The following ZBTB20 variants were observed in gnomAD, a reference collection of about 807,000 sequenced individuals.
ZBTB20 encodes zinc finger and BTB domain containing 20.
Under a neutral mutation model 56.9 loss-of-function variants are expected in ZBTB20, and 9 were observed. That is an observed-to-expected ratio of 0.16 (90% confidence interval 0.10 to 0.28). ZBTB20 has a LOEUF of 0.28. ZBTB20 is among the 10% of genes least tolerant of loss of function. The pLI is 1.00. For missense variants in ZBTB20, 655 were observed against 1,003.0 expected (o/e 0.65, Z 4.69); for synonymous variants, 417 against 420.7 (o/e 0.99, Z 0.11).
intron 7 of ZBTB20, among the ~76,000 whole-genome samples, chr3:114,394,257 G>C (rs746269622): frequency 6.6e-6 from 1 of 152,156 alleles, no homozygotes; most frequent in Non-Finnish European, 1.5e-5. Context: ...ATGGGCTTAC[G>C]TAACAGGTCG....
At chr3:114,353,109 C>A (rs1476704001) in intron 10 of ZBTB20, among the ~76,000 whole-genome samples, 1 of 152,154 alleles carries the variant, frequency 6.6e-6, no homozygotes, top group Middle Eastern at 3.2e-3. Flanking sequence ...AGAGAATCCC[C>A]CTCCAAATAA....
chr3:115,130,275 GTA>G (rs1292855880), intron 1 of ZBTB20, among the ~76,000 whole-genome samples: 3 of 151,910 alleles, frequency 2.0e-5, no homozygotes, highest in Non-Finnish European at 4.4e-5. Flanking sequence ...TATTGTACCT[GTA>G]ATCTATTAGG....
intron 6 of ZBTB20, among the ~76,000 whole-genome samples, chr3:114,581,100 A>T (rs1020088343): frequency 6.6e-6 from 1 of 152,006 alleles, no homozygotes; most frequent in African/African-American, 2.4e-5. Context: ...AAAACAGTCC[A>T]TCGGATCAAA....
rs76710799 is a variant in ZBTB20 at position 115,010,732 on chromosome 3, C to T, written c.-506-36316G>A. 8.3e-3 allele frequency among the ~76,000 whole-genome samples: 1,258 copies of T among 151,992 alleles called. 14 individuals are homozygous for T. The highest frequency in any genetic ancestry group is 0.028 in the African/African-American group (1,173 of 41,512). ...CAATAAACACATAACTCTTCAATGC[C>T]TGGACAAACATCTATAAGCATCAAC... On this transcript the variant is annotated intron_variant, in intron 2 of 11. Coordinates refer to ENST00000675478, the MANE Select transcript of ZBTB20 (RefSeq NM_001348800.3).
intron 11 of ZBTB20, among the ~76,000 whole-genome samples, chr3:114,348,245 T>G (rs1454169285): frequency 6.6e-6 from 1 of 152,218 alleles, no homozygotes; most frequent in Non-Finnish European, 1.5e-5. Context: ...AAGTCAACTT[T>G]GGTTAAGGAG....
At chr3:114,577,405 TAAAG>T (rs1030810680) in intron 6 of ZBTB20, among the ~76,000 whole-genome samples, 1 of 151,946 alleles carries the variant, frequency 6.6e-6, no homozygotes, top group African/African-American at 2.4e-5. Flanking sequence ...AAAAACATAA[TAAAG>T]AGAGATAAGA....
chr3:114,706,058 G>T (rs906139168), intron 5 of ZBTB20, among the ~76,000 whole-genome samples: 16 of 152,218 alleles, frequency 1.1e-4, no homozygotes, highest in Non-Finnish European at 2.2e-4. Context: ...TATAGGTCAT[G>T]ATATTATAGG....
chr3:115,006,244 G>C (rs2079463474), intron 2 of ZBTB20, among the ~76,000 whole-genome samples: 1 of 151,460 alleles, frequency 6.6e-6, no homozygotes, highest in Non-Finnish European at 1.5e-5. Flanking sequence ...GAACTAGTTT[G>C]CTTGTTTGTT....
chr3:114,715,900 C>T (rs149628219), intron 5 of ZBTB20, among the ~76,000 whole-genome samples: 1 of 152,304 alleles, frequency 6.6e-6, no homozygotes, highest in East Asian at 1.9e-4. Context: ...TACAGACTGA[C>T]AAATGGATTC....
At chr3:114,493,230 T>A (rs1474315441) in intron 7 of ZBTB20, among the ~76,000 whole-genome samples, 1 of 152,208 alleles carries the variant, frequency 6.6e-6, no homozygotes, top group Non-Finnish European at 1.5e-5. Flanking sequence ...TGCTGAGAGG[T>A]ATTCCATGGT....
rs578134938 is a variant in ZBTB20 at position 114,755,565 on chromosome 3, G to C, written c.-343+45536C>G. ...TTTGATTTGCTGCTAAAATATATAT[G>C]TATTTATTTACATGAAATTTTTTTT... On this transcript the variant is annotated intron_variant, in intron 5 of 11. Coordinates refer to ENST00000675478, the MANE Select transcript of ZBTB20 (RefSeq NM_001348800.3). Among the ~76,000 whole-genome samples the C allele has an allele frequency of 3.3e-5, 5 of 152,098 alleles. No homozygotes were observed. The South Asian group carries it at 1.0e-3, about 32-fold the overall frequency.
At chr3:114,340,673 G>A (rs1269907706) in intron 11 of ZBTB20, among the ~76,000 whole-genome samples, 1 of 152,154 alleles carries the variant, frequency 6.6e-6, no homozygotes, top group East Asian at 1.9e-4. Context: ...GATGAACTGC[G>A]TGTTTGGTCC....
At chr3:114,626,144 A>G (rs982303542) in intron 6 of ZBTB20, among the ~76,000 whole-genome samples, 7 of 152,178 alleles carry the variant, frequency 4.6e-5, no homozygotes, top group African/African-American at 1.7e-4. Flanking sequence ...AGTAATGAGG[A>G]CCCACCACAT....
At chr3:115,002,233 A>G (rs571369098) in intron 2 of ZBTB20, among the ~76,000 whole-genome samples, 1 of 151,702 alleles carries the variant, frequency 6.6e-6, no homozygotes, top group Admixed American at 6.6e-5. Context: ...CTCAAAATAA[A>G]TCATAGACCT....
At chr3:114,776,038 T>TC (rs1489383488) in intron 5 of ZBTB20, among the ~76,000 whole-genome samples, 5 of 150,866 alleles carry the variant, frequency 3.3e-5, no homozygotes, top group African/African-American at 1.2e-4. Context: ...TTTTCTTTTT[T>TC]TTTTTTTTTT....
intron 6 of ZBTB20, among the ~76,000 whole-genome samples, chr3:114,597,037 T>TAA (rs968292926): frequency 1.6e-4 from 24 of 149,350 alleles, no homozygotes; most frequent in Non-Finnish European, 3.2e-4. Flanking sequence ...TAAAGCAAAT[T>TAA]AAAAAAATAT....
At chr3:114,475,089 C>A (rs1272833395) in intron 7 of ZBTB20, among the ~76,000 whole-genome samples, 1 of 152,166 alleles carries the variant, frequency 6.6e-6, no homozygotes, top group Non-Finnish European at 1.5e-5. Context: ...ACTTTTACCG[C>A]TTTATTTCCC....
chr3:114,523,178 G>A (rs1043997515), intron 6 of ZBTB20, among the ~76,000 whole-genome samples: 1 of 152,160 alleles, frequency 6.6e-6, no homozygotes, highest in Non-Finnish European at 1.5e-5. Flanking sequence ...TTTTAATGGA[G>A]AATGAATAAT....
At chr3:114,959,773 A>T (rs1334601178) in intron 3 of ZBTB20, among the ~76,000 whole-genome samples, 2 of 151,536 alleles carry the variant, frequency 1.3e-5, no homozygotes, top group Non-Finnish European at 2.9e-5. Context: ...TCATGCCTCA[A>T]ATATATTTTG....
Sources: gnomAD v4.1 joint callset for allele counts (sites outside exome capture counted in the v4.1 genomes callset) on GRCh38, gnomAD v4.1.1 for gene constraint, MANE v1.5 for transcripts, NCBI Gene and HGNC (gene_info 2026-07-23, HGNC 2026-07-21) for gene names.